The following CLYBL variants were observed in gnomAD, a reference collection of about 807,000 sequenced individuals.
CLYBL encodes the protein citramalyl-CoA lyase.
CLYBL carries 31 observed loss-of-function variants against 38.9 expected under a neutral mutation model. That is an observed-to-expected ratio of 0.80 (90% CI 0.60 to 1.08). The LOEUF (loss-of-function observed/expected upper bound fraction) is 1.08. Among genes scored for constraint, CLYBL ranks in the 50% least tolerant of loss-of-function variants. The pLI, the probability that CLYBL is intolerant of heterozygous loss-of-function variation, is 0.00. For synonymous variants in CLYBL, 171 were observed against 158.6 expected, an observed-to-expected ratio of 1.08 and a Z score of -0.59; for missense variants, 434 against 411.6, an observed-to-expected ratio of 1.05 and a Z score of -0.47.
chr13:99,835,912 C>G (rs924734853), intron 2 of CLYBL, among the ~76,000 whole-genome samples: 4 of 152,184 alleles, frequency 2.6e-5, no homozygotes, highest in African/African-American at 9.7e-5. Context: ...GAAAATCTGA[C>G]AGTGAGCTGA....
chr13:99,721,771 C>T (rs982689051), intron 1 of CLYBL, among the ~76,000 whole-genome samples: 25 of 152,064 alleles, frequency 1.6e-4, no homozygotes, highest in Non-Finnish European at 2.6e-4. Flanking sequence ...CATTGGCCCG[C>T]ATGTTGTACT....
chr13:99,621,700 G>C (rs1485775836), intron 1 of CLYBL, among the ~76,000 whole-genome samples: 2 of 152,072 alleles, frequency 1.3e-5, no homozygotes, highest in East Asian at 3.9e-4. Context: ...GGATGACTTT[G>C]AATACGACCC....
At chr13:99,833,780 C>T (rs971395767) in intron 2 of CLYBL, among the ~76,000 whole-genome samples, 6 of 145,474 alleles carry the variant, frequency 4.1e-5, no homozygotes, top group Admixed American at 1.4e-4. Context: ...ACCTCCAACT[C>T]CCTGGTTCAA....
At chr13:99,701,342 G>C (rs183649318) in intron 1 of CLYBL, among the ~76,000 whole-genome samples, 153 of 152,182 alleles carry the variant, frequency 1.0e-3, no homozygotes, top group African/African-American at 3.3e-3. Context: ...ACAGAGTCTT[G>C]CTCTGTCACC....
intron 1 of CLYBL, among the ~76,000 whole-genome samples, chr13:99,697,258 TA>T (rs2047993917): frequency 6.6e-6 from 1 of 152,246 alleles, no homozygotes; most frequent in African/African-American, 2.4e-5. Context: ...GGGTTACTGT[TA>T]TTTGCAAGGA....
chr13:99,833,683 C>CCT (rs2050870348), intron 2 of CLYBL, among the ~76,000 whole-genome samples: 1 of 56,114 alleles, frequency 1.8e-5, no homozygotes, highest in African/African-American at 7.6e-5. Context: ...TACCGTGTTG[C>CCT]TTTTTTTTTT....
intron 2 of CLYBL, among the ~76,000 whole-genome samples, chr13:99,846,132 G>A (rs2051198883): frequency 6.6e-6 from 1 of 151,964 alleles, no homozygotes; most frequent in African/African-American, 2.4e-5. Context: ...TGGGCCAGCA[G>A]AGCAAGACCC....
At chr13:99,861,791 G>C (rs923901627) in intron 3 of CLYBL, among the ~76,000 whole-genome samples, 2 of 152,098 alleles carry the variant, frequency 1.3e-5, no homozygotes, top group Admixed American at 6.5e-5. Context: ...GATTTTTTAG[G>C]GGGGTGGTGC....
intron 1 of CLYBL, among the ~76,000 whole-genome samples, chr13:99,655,669 C>T (rs1044643476): frequency 6.6e-6 from 1 of 152,172 alleles, no homozygotes; most frequent in Admixed American, 6.5e-5. Flanking sequence ...GTATTTGAAG[C>T]CTGGGAAGCT....
intron 1 of CLYBL, among the ~76,000 whole-genome samples, chr13:99,743,966 CTTTTTTTTTTTT>C (rs1162079530): frequency 1.4e-5 from 1 of 69,180 alleles, no homozygotes; most frequent in African/African-American, 6.0e-5. Context: ...TCTCTTCTTT[CTTTTTTTTTTTT>C]TTTTTTTTTT....
chr13:99,770,076 CTTTCTTTTT>C (rs554763266), intron 1 of CLYBL, among the ~76,000 whole-genome samples: 4,038 of 121,988 alleles, frequency 0.033, 73 homozygotes, highest in Non-Finnish European at 0.054. Context: ...TTTTTCTTTT[CTTTCTTTTT>C]TTTTTTTTTT....
intron 1 of CLYBL, among the ~76,000 whole-genome samples, chr13:99,770,353 T>C (rs2049360571): frequency 6.6e-6 from 1 of 152,136 alleles, no homozygotes; most frequent in Admixed American, 6.6e-5. Context: ...AGTCTCGCTC[T>C]GTCACCCAGG....
At chr13:99,685,246 T>TATACCTTTATGAAAACTCA (rs1470601539) in intron 1 of CLYBL, among the ~76,000 whole-genome samples, 2 of 152,198 alleles carry the variant, frequency 1.3e-5, no homozygotes, top group Non-Finnish European at 2.9e-5. Context: ...TTTCAAACTT[T>TATACCTTTATGAAAACTCA]ATACCTTTAT....
chr13:99,679,870 G>A (rs1419305628), intron 1 of CLYBL, among the ~76,000 whole-genome samples: 2 of 152,082 alleles, frequency 1.3e-5, no homozygotes, highest in Non-Finnish European at 2.9e-5. Flanking sequence ...CAAAGGAAAT[G>A]TTTGGCCAAC....
chr13:99,800,907 C>CAAAAAAAAAAAAAAAAAAAAAA (rs66941924), intron 2 of CLYBL, among the ~76,000 whole-genome samples: 1 of 139,194 alleles, frequency 7.2e-6, no homozygotes. Flanking sequence ...AAAAAAAAAA[C>CAAAAAAAAAAAAAAAAAAAAAA]AAAAAAAAAA....
intron 2 of CLYBL, among the ~76,000 whole-genome samples, chr13:99,848,678 C>T (rs1021309841): frequency 6.6e-6 from 1 of 152,218 alleles, no homozygotes; most frequent in Non-Finnish European, 1.5e-5. Flanking sequence ...CATTCCTCTG[C>T]CCACAGATTG....
intron 2 of CLYBL, among the ~76,000 whole-genome samples, chr13:99,840,265 AAT>A (rs1445940448): frequency 6.6e-6 from 1 of 150,732 alleles, no homozygotes; most frequent in African/African-American, 2.5e-5. Context: ...AAAAAAAAAA[AAT>A]CACTATATAC....
chr13:99,891,454 C>A lies in CLYBL; in HGVS notation c.*24+17C>A. 7.0e-7 allele frequency: 1 copy of A among 1,423,940 alleles called. No homozygotes were observed. The highest frequency in any genetic ancestry group is 9.9e-7 in the Non-Finnish European group (1 of 1,007,640). The allele number at this position is 1,423,940 out of a possible 1,614,324, so 88.2% of individuals were successfully genotyped here. A position where few individuals can be genotyped will look rare whatever the true frequency, so the allele number is the denominator to read the frequency against. ...TGTCATCAGGTGGGCTGAACATATA[C>A]AGTGGGGTTCTTAAAGACAAACCAC... On this transcript the variant is annotated intron_variant, in intron 8 of 8. Transcript: ENST00000339105.
rs2051535348 is a variant in CLYBL, at chr13:99,859,119, G to A, written c.438+70G>A. 7 of 1,305,252 alleles carry A rather than the reference G, an allele frequency of 5.4e-6. 1 individual carries two copies. The Middle Eastern group carries it at 7.9e-4, about 147-fold the overall frequency. The allele number at this position is 1,305,252 out of a possible 1,614,324, so 80.9% of individuals were successfully genotyped here. On this transcript the variant is annotated intron_variant, in intron 3 of 8. Coordinates refer to ENST00000339105, the MANE Select transcript of CLYBL (RefSeq NM_206808.5). ...AGGAGTAGCAGGAAGAAGGGATCTG[G>A]GTGCCACAGGTTTGGAAAATGCATG...
Sources: allele counts gnomAD v4.1 joint callset (sites outside exome capture counted in the v4.1 genomes callset), GRCh38; gene constraint gnomAD v4.1.1; transcripts MANE v1.5; gene names NCBI Gene and HGNC (gene_info 2026-07-23, HGNC 2026-07-21).